PLEKHO2: variants seen among roughly 807,000 people sequenced by gnomAD.
PLEKHO2 encodes the protein pleckstrin homology domain containing O2.
In PLEKHO2, 20 loss-of-function variants were observed where a neutral mutation model predicts 32.7. The observed-to-expected ratio is 0.61, with a 90% confidence interval of 0.43 to 0.89. The LOEUF is 0.89. PLEKHO2 is among the 40% of genes least tolerant of loss of function. The probability of loss-of-function intolerance (pLI) is 0.00; values close to 1 mark genes in which losing one functional copy is unlikely to be tolerated. For missense variants in PLEKHO2, 568 were observed against 621.2 expected, an observed-to-expected ratio of 0.91 and a Z score of 0.91; for synonymous variants, 247 against 246.3, an observed-to-expected ratio of 1.00 and a Z score of -0.03.
At chr15:64,864,691 T>C (rs1307186769) in intron 5 of PLEKHO2, among the ~76,000 whole-genome samples, 1 of 152,140 alleles carries the variant, frequency 6.6e-6, no homozygotes, top group African/African-American at 2.4e-5. Flanking sequence ...AGGGAATTCT[T>C]TGGTGGTGAG....
At chr15:64,852,389 G>A (rs2084575582) in intron 2 of PLEKHO2, among the ~76,000 whole-genome samples, 1 of 152,170 alleles carries the variant, frequency 6.6e-6, no homozygotes, top group Non-Finnish European at 1.5e-5. Flanking sequence ...AACCTGGTTG[G>A]GAGAGATAAG....
intron 3 of PLEKHO2, among the ~76,000 whole-genome samples, chr15:64,858,745 C>T (rs933150096): frequency 3.9e-5 from 6 of 151,970 alleles, no homozygotes; most frequent in Non-Finnish European, 7.4e-5. Context: ...TATCTTTTTT[C>T]CCTCAATTAA....
intron 3 of PLEKHO2, among the ~76,000 whole-genome samples, chr15:64,859,657 C>T (rs1194446205): frequency 6.6e-6 from 1 of 152,212 alleles, no homozygotes; most frequent in East Asian, 1.9e-4. Flanking sequence ...GGACCAGATC[C>T]GGGCTCTTTC....
chr15:64,848,835 A>G, intron 2 of PLEKHO2, 93 bp downstream of exon 2: 2 of 1,509,754 alleles, frequency 1.3e-6, no homozygotes, highest in Middle Eastern at 2.4e-4. Context: ...GTCTGGGGCC[A>G]GAAGACCTGC....
chr15:64,854,755 C>T (rs1190615197), intron 2 of PLEKHO2, among the ~76,000 whole-genome samples, 166 bp from the exon 3 acceptor site: 1 of 152,230 alleles, frequency 6.6e-6, no homozygotes, highest in Non-Finnish European at 1.5e-5. Flanking sequence ...CATGCACTTG[C>T]CAGGGTCTGG....
At position 64,862,809 on chromosome 15, in the gene PLEKHO2, G is replaced by A. The variant is rs558551723; in HGVS notation, c.483+1234G>A. 2.6e-5 allele frequency among the ~76,000 whole-genome samples: 4 copies of A among 151,788 alleles called. No individual in the cohort carries two copies. In the East Asian group the frequency reaches 7.7e-4, roughly 29 times the overall value. The stretch of plus-strand genomic sequence containing the variant: ...TTTATTATTATACTTTAAGTTTTAG[G>A]GTACATGTGCACAATGTGCAGGTTA... On this transcript the variant is annotated intron_variant, in intron 5 of 5. Transcript: ENST00000323544.
rs1303696605 is a variant in PLEKHO2, at chr15:64,865,188, C to A, written c.773C>A (p.Ser258Tyr). 6.2e-7 allele frequency: 1 copy of A among 1,614,178 alleles called. No individual in the cohort carries two copies. The highest frequency in any genetic ancestry group is 2.2e-5 in the East Asian group (1 of 44,878). Residue 258 changes from serine to tyrosine, a missense_variant, in exon 6 of 6, where the codon TCT (serine) becomes TAT (tyrosine). Coordinates refer to ENST00000323544, the MANE Select transcript of PLEKHO2 (RefSeq NM_025201.5). ...SETPAEEDSG[S>Y]EQPPNSVLPD... ...ACCCCAGCAGAGGAGGACAGTGGCT[C>A]TGAGCAGCCTCCCAACAGCGTCCTG... is the stretch of plus-strand genomic sequence containing the variant.
chr15:64,849,906 A>G (rs2084554108), intron 2 of PLEKHO2, among the ~76,000 whole-genome samples: 1 of 151,212 alleles, frequency 6.6e-6, no homozygotes, highest in Non-Finnish European at 1.5e-5. Flanking sequence ...TACACCTATA[A>G]TCTCAGCACT....
In PLEKHO2 at chr15:64,865,724, CCT is replaced by C. The variant is rs767439401; in HGVS notation, c.1310_1311del (p.Pro437ArgfsTer2). 5 of 1,614,218 alleles carry C rather than the reference CCT, an allele frequency of 3.1e-6. No individual in the cohort carries two copies. Among genetic ancestry groups the C allele is most frequent in the East Asian group, 4.5e-5 (2 of 44,878 alleles). ...CAAGGTGCTGGGCAGTGAGCCGGCC[CCT>C]GTTAGTGCCGAAACATTGCTCAGCC... ...LNKVLGSEPA[P>X]VSAETLLSQA... On this transcript the variant is annotated frameshift_variant, in exon 6 of 6. Coordinates refer to ENST00000323544, the MANE Select transcript of PLEKHO2 (RefSeq NM_025201.5). LOFTEE classifies it high-confidence loss of function.
chr15:64,867,194 G>C lies in PLEKHO2; in HGVS notation c.*1306G>C, dbSNP rs1567099913. On this transcript the variant is annotated 3_prime_UTR_variant, in exon 6 of 6. Transcript: ENST00000323544. ...ATAGGACCTGCCCAGATTTCTGCAT[G>C]TGCACTTTTGTTTACTGAAAGAGAG... 1 of 152,588 alleles carries C rather than the reference G, an allele frequency of 6.6e-6. No homozygotes were observed. The highest frequency in any genetic ancestry group is 1.5e-5 in the Non-Finnish European group (1 of 68,070). The allele number at this position is 152,588 out of a possible 1,614,324, so 9.5% of individuals were successfully genotyped here. A position where few individuals can be genotyped will look rare whatever the true frequency, so the allele number is the denominator to read the frequency against.
At chr15:64,859,529 G>A (rs1695938307) in intron 3 of PLEKHO2, among the ~76,000 whole-genome samples, 1 of 152,176 alleles carries the variant, frequency 6.6e-6, no homozygotes, top group South Asian at 2.1e-4. Context: ...CCTGAATTGG[G>A]AAAGGACTCA....
chr15:64,844,218 G>C (rs1478317411), intron 1 of PLEKHO2, among the ~76,000 whole-genome samples: 1 of 152,134 alleles, frequency 6.6e-6, no homozygotes, highest in African/African-American at 2.4e-5. Context: ...CCCTGTGCCC[G>C]GCCACCCTGG....
In PLEKHO2 at chr15:64,865,344, C is replaced by T. The variant is rs569778497; in HGVS notation, c.929C>T (p.Pro310Leu). The part of the protein sequence containing the change: ...EAAPREGGKP[P>L]TPPPKILSEK... ...GCCCCCAGGGAGGGTGGGAAGCCCCCTACACCCCCACCCAAGATCTTATCA... is the reference window on the plus strand; with the variant it reads ...GCCCCCAGGGAGGGTGGGAAGCCCCTTACACCCCCACCCAAGATCTTATCA... Residue 310 changes from proline to leucine, a missense_variant, in exon 6 of 6, where the codon CCT (proline) becomes CTT (leucine). Pro to Leu is a moderately conservative substitution (Grantham distance 98). Transcript: ENST00000323544. The T allele has an allele frequency of 2.5e-6, 4 of 1,613,834 alleles. No homozygotes were observed. Among genetic ancestry groups the T allele is most frequent in the East Asian group, 4.5e-5 (2 of 44,886 alleles).
At chr15:64,860,536 C>T (rs2084634214) in intron 4 of PLEKHO2, among the ~76,000 whole-genome samples, 1 of 152,222 alleles carries the variant, frequency 6.6e-6, no homozygotes, top group South Asian at 2.1e-4. Context: ...GGGCCAGGAT[C>T]TCCTAGGAAG....
chr15:64,856,094 A>G (rs946849027), intron 3 of PLEKHO2, among the ~76,000 whole-genome samples: 1 of 152,008 alleles, frequency 6.6e-6, no homozygotes, highest in African/African-American at 2.4e-5. Context: ...GTATAATTAT[A>G]GTGTTATGAG....
chr15:64,848,733 T>C lies in PLEKHO2; in HGVS notation c.153T>C (p.Tyr51=), dbSNP rs748183723. The change falls in exon 2 of 6, where the codon TAT becomes TAC. Residue 51 remains tyrosine (Y), a synonymous_variant. Coordinates refer to ENST00000323544, the MANE Select transcript of PLEKHO2 (RefSeq NM_025201.5). The stretch of plus-strand genomic sequence containing the variant: ...TCTGCCAGGCCCAGCTGCTGGTCTA[T>C]GAGAATGAGGTGAGGACCTGCTTGG... ...LLLCQAQLLV[Y]ENEDDQKCVE... 1 of 1,614,108 alleles carries C rather than the reference T, an allele frequency of 6.2e-7. No individual in the cohort carries two copies. The highest frequency in any genetic ancestry group is 1.7e-5 in the Admixed American group (1 of 60,016).
chr15:64,841,950 C>G lies in PLEKHO2; in HGVS notation c.-67C>G, dbSNP rs187639034. On this transcript the variant is annotated 5_prime_UTR_variant, in exon 1 of 6. Coordinates refer to ENST00000323544, the MANE Select transcript of PLEKHO2 (RefSeq NM_025201.5). ...GAGTCGCCGCCTGGCCGGGCGTAGA[C>G]GCGGTGGCAGAGCCCGCGCGGCGCT... 3.5e-3 allele frequency: 4,312 copies of G among 1,238,800 alleles called. 114 individuals are homozygous for G. In the African/African-American group the frequency reaches 0.056, roughly 16 times the overall value. 76.7% of individuals were successfully genotyped at this position (1,238,800 alleles called of 1,614,324 possible).
chr15:64,859,748 C>T, intron 3 of PLEKHO2, 146 bp from the exon 4 acceptor site: 1 of 697,154 alleles, frequency 1.4e-6, no homozygotes, highest in East Asian at 2.5e-5. Flanking sequence ...AGATCTTTCC[C>T]TTTCCTGGCC....
chr15:64,857,540 G>A (rs1475754503), intron 3 of PLEKHO2, among the ~76,000 whole-genome samples: 1 of 152,122 alleles, frequency 6.6e-6, no homozygotes, highest in Non-Finnish European at 1.5e-5. Flanking sequence ...TCACTATGTT[G>A]CCCAGGCTGG....
Sources: allele counts gnomAD v4.1 joint callset (sites outside exome capture counted in the v4.1 genomes callset), GRCh38; gene constraint gnomAD v4.1.1; transcripts MANE v1.5; gene names NCBI Gene and HGNC (gene_info 2026-07-23, HGNC 2026-07-21).